The following STK3 variants were observed in gnomAD, a reference collection of about 807,000 sequenced individuals.
STK3 encodes the protein serine/threonine kinase 3, also known as serine/threonine-protein kinase 3.
A neutral mutation model predicts 58.0 loss-of-function variants in STK3; 41 were observed. The ratio of observed to expected loss-of-function variants is 0.71; its 90% confidence interval spans 0.55 to 0.92. The LOEUF is 0.92. Ranked by LOEUF, STK3 falls within the 40% of genes least tolerant of loss-of-function variation. The probability of loss-of-function intolerance (pLI) is 0.00; values close to 1 mark genes in which losing one functional copy is unlikely to be tolerated. For missense variants in STK3, 479 were observed against 602.7 expected (o/e 0.79, Z 2.15); for synonymous variants, 170 against 191.0 (o/e 0.89, Z 0.91).
intron 6 of STK3, among the ~76,000 whole-genome samples, chr8:98,681,585 AAAATGAATGTTTAAGAAAAT>A (rs375402226): frequency 1.3e-5 from 2 of 152,392 alleles, no homozygotes; most frequent in Middle Eastern, 3.4e-3. Context: ...CATAATACTT[AAAATGAATGTTTAAGAAAAT>A]AATCTCAGCA....
chr8:98,696,365 T>A (rs902928987), intron 6 of STK3, among the ~76,000 whole-genome samples: 1 of 151,578 alleles, frequency 6.6e-6, no homozygotes, highest in Non-Finnish European at 1.5e-5. Flanking sequence ...TCCTGCCTAA[T>A]TGCCCTGGCC....
At chr8:98,930,734 G>C (rs773456522) in intron 1 of STK3, among the ~76,000 whole-genome samples, 8 of 152,186 alleles carry the variant, frequency 5.3e-5, no homozygotes, top group Admixed American at 1.3e-4. Context: ...TTGTCTTCTA[G>C]AATTTGAAGC....
At chr8:98,701,785 A>T (rs923140628) in intron 6 of STK3, among the ~76,000 whole-genome samples, 18 of 152,028 alleles carry the variant, frequency 1.2e-4, no homozygotes, top group African/African-American at 4.1e-4. Flanking sequence ...TCAAAACTAA[A>T]TTTTTTTAAC....
chr8:98,808,538 CT>C (rs1040186796), intron 1 of STK3, among the ~76,000 whole-genome samples: 2 of 151,992 alleles, frequency 1.3e-5, no homozygotes, highest in South Asian at 2.1e-4. Context: ...TGGCTAAAGG[CT>C]TTTTTTTATT....
At chr8:98,730,520 C>T (rs1828096017) in intron 4 of STK3, among the ~76,000 whole-genome samples, 2 of 152,010 alleles carry the variant, frequency 1.3e-5, no homozygotes, top group African/African-American at 2.4e-5. Flanking sequence ...GAGTTCAAGA[C>T]CAGCCTGGCC....
rs1285432571 is a variant in STK3 at position 98,499,524 on chromosome 8, T to C, written c.1317+27218A>G. On this transcript the variant is annotated intron_variant, in intron 10 of 10. Transcript: ENST00000419617. ...AAATACTCAGATTGCCTAAAACAGATTTTTGGTAGAAATTTGAACATTAAA... is the reference window on the plus strand; with the variant it reads ...AAATACTCAGATTGCCTAAAACAGACTTTTGGTAGAAATTTGAACATTAAA... 3.3e-5 allele frequency among the ~76,000 whole-genome samples: 5 copies of C among 152,070 alleles called. No homozygotes were observed. The East Asian group carries it at 7.7e-4, about 23-fold the overall frequency.
chr8:98,690,865 C>G (rs1476904602), intron 6 of STK3, among the ~76,000 whole-genome samples: 1 of 152,110 alleles, frequency 6.6e-6, no homozygotes, highest in African/African-American at 2.4e-5. Flanking sequence ...ACCAATGGAA[C>G]AGAATAGAGG....
intron 7 of STK3, among the ~76,000 whole-genome samples, chr8:98,589,954 G>A (rs867196957): frequency 4.6e-5 from 7 of 152,114 alleles, no homozygotes; most frequent in African/African-American, 1.7e-4. Context: ...GCCCTGCTTC[G>A]GCTCGCACAC....
intron 1 of STK3, among the ~76,000 whole-genome samples, chr8:98,907,491 C>T (rs757907352): frequency 4.6e-5 from 7 of 152,218 alleles, no homozygotes; most frequent in Admixed American, 1.3e-4. Context: ...CCAGCCTGGG[C>T]GACAGGGAGA....
chr8:98,487,898 GAT>G (rs1470471477), intron 10 of STK3, among the ~76,000 whole-genome samples: 1 of 152,190 alleles, frequency 6.6e-6, no homozygotes, highest in Non-Finnish European at 1.5e-5. Context: ...ACTTAATTTA[GAT>G]AATCTGTGTG....
At chr8:98,400,006 T>C (rs1207144195), downstream of STK3, among the ~76,000 whole-genome samples, 1 of 152,180 alleles carries the variant, frequency 6.6e-6, no homozygotes, top group Non-Finnish European at 1.5e-5. Flanking sequence ...TGCAACCTCA[T>C]GATCCTTCTT....
intron 1 of STK3, among the ~76,000 whole-genome samples, chr8:98,820,000 T>A (rs1834783008): frequency 6.6e-6 from 1 of 152,170 alleles, no homozygotes; most frequent in African/African-American, 2.4e-5. Context: ...ATGCTACAAG[T>A]TGATGTGGGC....
chr8:98,687,084 C>T (rs190993275), intron 6 of STK3, among the ~76,000 whole-genome samples: 1 of 152,116 alleles, frequency 6.6e-6, no homozygotes, highest in African/African-American at 2.4e-5. Flanking sequence ...CCAGATAACT[C>T]CTACAAGATA....
chr8:98,547,821 G>T (rs1365304800), intron 9 of STK3, 148 bp downstream of exon 9: 2 of 585,186 alleles, frequency 3.4e-6, no homozygotes, highest in Non-Finnish European at 5.2e-6. Flanking sequence ...AAGGTGACTT[G>T]TGCCATACTC....
At chr8:98,766,384 A>G (rs1830948367) in intron 3 of STK3, among the ~76,000 whole-genome samples, 1 of 152,236 alleles carries the variant, frequency 6.6e-6, no homozygotes, top group Non-Finnish European at 1.5e-5. Flanking sequence ...AAAAGTGATT[A>G]CATAATACAG....
chr8:98,744,625 T>C lies in STK3; in HGVS notation c.351+4651A>G, dbSNP rs374606022. Among the ~76,000 whole-genome samples, 27 of 149,984 alleles carry C rather than the reference T, an allele frequency of 1.8e-4. No homozygotes were observed. In the East Asian group the frequency reaches 5.2e-3, roughly 29 times the overall value. ...GAGGGATAGCATTAGGAGATATACCTAATGCTAAATGACGAGTTAATGGGT... is the reference window on the plus strand; with the variant it reads ...GAGGGATAGCATTAGGAGATATACCCAATGCTAAATGACGAGTTAATGGGT... On this transcript the variant is annotated intron_variant, in intron 4 of 10. Transcript: ENST00000419617.
At chr8:98,587,193 G>T (rs1220830415) in intron 7 of STK3, among the ~76,000 whole-genome samples, 1 of 151,976 alleles carries the variant, frequency 6.6e-6, no homozygotes, top group Non-Finnish European at 1.5e-5. Flanking sequence ...TGATGTTAGG[G>T]TGTCAATTTT....
intron 10 of STK3, among the ~76,000 whole-genome samples, chr8:98,456,887 T>C (rs902233721): frequency 2.6e-5 from 4 of 152,246 alleles, no homozygotes; most frequent in African/African-American, 9.6e-5. Context: ...TCGCCATCCC[T>C]GGCCCTATCG....
At chr8:98,846,100 C>T (rs1332192121) in intron 3 of STK3, among the ~76,000 whole-genome samples, 1 of 152,222 alleles carries the variant, frequency 6.6e-6, no homozygotes, top group South Asian at 2.1e-4. Flanking sequence ...GGACCCATAA[C>T]CCTCTTCCAA....
Sources: allele counts gnomAD v4.1 joint callset (sites outside exome capture counted in the v4.1 genomes callset), GRCh38; gene constraint gnomAD v4.1.1; transcripts MANE v1.5; gene names NCBI Gene and HGNC (gene_info 2026-07-23, HGNC 2026-07-21).